Variants in GRK3 observed in about 807,000 individuals in gnomAD.
GRK3 encodes the protein G protein-coupled receptor kinase 3.
GRK3 carries 54 observed loss-of-function variants against 95.7 expected under a neutral mutation model. The observed-to-expected ratio is 0.56, with a 90% CI of 0.45 to 0.71. The LOEUF (loss-of-function observed/expected upper bound fraction) is 0.71. GRK3 is among the 30% of genes least tolerant of loss of function. The probability of loss-of-function intolerance (pLI) is 0.00; values close to 1 mark genes in which losing one functional copy is unlikely to be tolerated. For synonymous variants in GRK3, 281 were observed against 290.8 expected (o/e 0.97, Z 0.34); for missense variants, 649 against 851.2 (o/e 0.76, Z 2.96).
chr22:25,584,464 G>GT (rs1203586222), intron 1 of GRK3, among the ~76,000 whole-genome samples: 8 of 152,208 alleles, frequency 5.3e-5, no homozygotes, highest in Non-Finnish European at 8.8e-5. Flanking sequence ...TGGCCCCAAA[G>GT]TGTGTGAGTA....
rs2085475076 is a variant in GRK3 at position 25,726,494 on chromosome 22, C to A, written c.*4044C>A. ...AGAGATGCTTGATGAATTAACACCT[C>A]CCACCCTGAGTGAGGGGTTGACTTG... On this transcript the variant is annotated 3_prime_UTR_variant, in exon 21 of 21. Transcript: ENST00000324198. The A allele has an allele frequency of 6.6e-6, 1 of 152,134 alleles. No individual in the cohort carries two copies. The highest frequency in any genetic ancestry group is 1.5e-5 in the Non-Finnish European group (1 of 68,030). The allele number at this position is 152,134 out of a possible 1,614,324, so 9.4% of individuals were successfully genotyped here.
At position 25,718,362 on chromosome 22, in the gene GRK3, G is replaced by A. The variant is rs1372103381; in HGVS notation, c.1772G>A (p.Arg591Lys). The A allele has an allele frequency of 6.2e-7, 1 of 1,614,018 alleles. No individual in the cohort carries two copies. The highest frequency in any genetic ancestry group is 8.5e-7 in the Non-Finnish European group (1 of 1,180,004). The change falls in exon 19 of 21, where the codon AGA (arginine) becomes AAA (lysine). Residue 591 changes from arginine (R) to lysine (K), a missense_variant. By Grantham distance (26) the Arg-to-Lys change is conservative. This residue lies in a region of GRK3 where 382 missense variants were observed against 493.8 expected (regional missense o/e 0.77). Coordinates refer to ENST00000324198, the MANE Select transcript of GRK3 (RefSeq NM_005160.4). ...CTCTTTCCAAATAGACTTGAATGGA[G>A]AGGAGAGGGAGAGTCCCGGGTAAGT... Reference protein sequence around the residue: ...FYLFPNRLEWRGEGESRQNLL... With the variant: ...FYLFPNRLEWKGEGESRQNLL...
Position 25,703,841 on chromosome 22 carries a change from A to G in GRK3, c.1227+265A>G, listed in dbSNP as rs930846634. Among the ~76,000 whole-genome samples the G allele has an allele frequency of 1.2e-4, 19 of 152,336 alleles. No homozygotes were observed. The East Asian group carries it at 3.5e-3, about 28-fold the overall frequency. On this transcript the variant is annotated intron_variant, in intron 14 of 20. Transcript: ENST00000324198. Reference sequence around the variant, plus strand: ...ATGAGGAAGCTAAAGAAAATCGAGAACAGAAGTAAAGAAATCAAAGAAAAG... The same window carrying G: ...ATGAGGAAGCTAAAGAAAATCGAGAGCAGAAGTAAAGAAATCAAAGAAAAG...
At chr22:25,721,452 G>A in intron 20 of GRK3, 55 bp downstream of exon 20, 1 of 988,264 alleles carries the variant, frequency 1.0e-6, no homozygotes, top group Non-Finnish European at 1.6e-6. Context: ...ATTCAGCAAA[G>A]TTGACTGCCT....
At chr22:25,668,650 C>T (rs1361090016) in intron 6 of GRK3, among the ~76,000 whole-genome samples, 2 of 152,174 alleles carry the variant, frequency 1.3e-5, no homozygotes, top group Non-Finnish European at 2.9e-5. Flanking sequence ...TGAGTAATAG[C>T]AGGAACTTTG....
At chr22:25,573,448 G>A (rs999130547) in intron 1 of GRK3, among the ~76,000 whole-genome samples, 3 of 152,168 alleles carry the variant, frequency 2.0e-5, no homozygotes, top group African/African-American at 4.8e-5. Flanking sequence ...GAGTTTGGAA[G>A]CCAGGTATGG....
In GRK3 at chr22:25,653,980, G is replaced by T. The variant is rs554058812; in HGVS notation, c.265-7596G>T. The stretch of plus-strand genomic sequence containing the variant: ...GGGATTACAGGCGTGAGCCACCGGC[G>T]CCCAGCCCACATTCTTTAACGTACA... On this transcript the variant is annotated intron_variant, in intron 3 of 20. Transcript: ENST00000324198. Among the ~76,000 whole-genome samples, 9 of 152,148 alleles carry T rather than the reference G, an allele frequency of 5.9e-5. No individual in the cohort carries two copies. In the East Asian group the frequency reaches 1.7e-3, roughly 30 times the overall value.
At chr22:25,592,864 C>G (rs976264941) in intron 1 of GRK3, among the ~76,000 whole-genome samples, 1 of 151,834 alleles carries the variant, frequency 6.6e-6, no homozygotes, top group African/African-American at 2.4e-5. Flanking sequence ...AGGTTATGTC[C>G]ATGAGTACCC....
At chr22:25,712,066 G>T (rs2085348142) in intron 17 of GRK3, among the ~76,000 whole-genome samples, 1 of 152,254 alleles carries the variant, frequency 6.6e-6, no homozygotes, top group Admixed American at 6.5e-5. Flanking sequence ...TTGTGGGGAA[G>T]GAGAGCAGCA....
chr22:25,674,390 T>C, intron 7 of GRK3, 47 bp from the exon 8 acceptor site: 1 of 1,463,744 alleles, frequency 6.8e-7, no homozygotes, highest in Non-Finnish European at 9.5e-7. Flanking sequence ...TAAAACACCA[T>C]AGCTTTGTGT....
At chr22:25,679,113 C>T (rs941814200) in intron 9 of GRK3, among the ~76,000 whole-genome samples, 198 bp downstream of exon 9, 1 of 152,152 alleles carries the variant, frequency 6.6e-6, no homozygotes, top group East Asian at 1.9e-4. Flanking sequence ...ATGGCTTCTC[C>T]GTTTAGTGCC....
chr22:25,682,072 G>A (rs2085078799), intron 9 of GRK3, among the ~76,000 whole-genome samples: 1 of 152,124 alleles, frequency 6.6e-6, no homozygotes, highest in Non-Finnish European at 1.5e-5. Context: ...TCCTTCACCT[G>A]CGTGTTTATT....
At chr22:25,675,940 C>G (rs2085025079) in intron 8 of GRK3, among the ~76,000 whole-genome samples, 1 of 152,216 alleles carries the variant, frequency 6.6e-6, no homozygotes, top group Admixed American at 6.5e-5. Flanking sequence ...CCTGGTATCA[C>G]ACCTGCTACG....
intron 2 of GRK3, among the ~76,000 whole-genome samples, chr22:25,605,519 G>GAATT (rs1472422611): frequency 6.6e-6 from 1 of 152,034 alleles, no homozygotes; most frequent in Non-Finnish European, 1.5e-5. Context: ...AGGGAAAAAG[G>GAATT]AATTATCTTT....
At position 25,718,377 on chromosome 22, in the gene GRK3, C is replaced by A; in HGVS notation, c.1787C>A (p.Ser596Tyr). The A allele has an allele frequency of 2.5e-6, 4 of 1,613,982 alleles. No individual in the cohort carries two copies. Among genetic ancestry groups the A allele is most frequent in the Non-Finnish European group, 3.4e-6 (4 of 1,179,956 alleles). Residue 596 changes from serine to tyrosine, a missense_variant, in exon 19 of 21, where the codon TCC becomes TAC. Around this residue, in one of 3 missense-constraint regions of GRK3, gnomAD observed 382 missense variants for 493.8 expected, o/e 0.77. Transcript: ENST00000324198. Reference sequence around the variant, plus strand: ...CTTGAATGGAGAGGAGAGGGAGAGTCCCGGGTAAGTCTAAGGCAGCCTCAC... The same window carrying A: ...CTTGAATGGAGAGGAGAGGGAGAGTACCGGGTAAGTCTAAGGCAGCCTCAC... The part of the protein sequence containing the change: ...NRLEWRGEGE[S>Y]RQNLLTMEQI...
chr22:25,674,298 A>G, intron 7 of GRK3, 139 bp from the exon 8 acceptor site: 1 of 611,234 alleles, frequency 1.6e-6, no homozygotes, highest in Non-Finnish European at 2.7e-6. Context: ...CCTTCAGCTT[A>G]AAGACTCAGT....
At chr22:25,713,272 C>T (rs1317163377) in intron 17 of GRK3, among the ~76,000 whole-genome samples, 1 of 152,192 alleles carries the variant, frequency 6.6e-6, no homozygotes, top group African/African-American at 2.4e-5. Flanking sequence ...CACACTCACA[C>T]ACGCACCTCC....
chr22:25,688,161 G>A (rs2085135793), intron 11 of GRK3, among the ~76,000 whole-genome samples: 1 of 151,320 alleles, frequency 6.6e-6, no homozygotes, highest in Non-Finnish European at 1.5e-5. Context: ...GAGTGAACCT[G>A]GGAGGCAGAG....
intron 3 of GRK3, among the ~76,000 whole-genome samples, chr22:25,653,846 G>T (rs894713132): frequency 6.6e-6 from 1 of 152,040 alleles, no homozygotes; most frequent in Non-Finnish European, 1.5e-5. Context: ...CCGCCACCAC[G>T]CTCAGCTAAT....
Sources: gnomAD v4.1 joint callset for allele counts (sites outside exome capture counted in the v4.1 genomes callset) on GRCh38, gnomAD v4.1.1 for gene constraint, gnomAD v4.1.1 regional missense constraint, MANE v1.5 for transcripts, NCBI Gene and HGNC (gene_info 2026-07-23, HGNC 2026-07-21) for gene names.